The following CEMIP2 variants were observed in gnomAD, a reference collection of about 807,000 sequenced individuals.
The protein encoded by CEMIP2 is cell migration inducing hyaluronidase 2, also known as cell surface hyaluronidase CEMIP2.
In CEMIP2, 79 loss-of-function variants were observed where a neutral mutation model predicts 146.9. The observed-to-expected ratio is 0.54, with a 90% CI of 0.45 to 0.65. CEMIP2 has a LOEUF of 0.65. Ranked by LOEUF, CEMIP2 falls within the 30% of genes least tolerant of loss-of-function variation. The pLI is 0.00. For synonymous variants in CEMIP2, 601 were observed against 606.3 expected (o/e 0.99, Z 0.13); for missense variants, 1,596 against 1,696.2 (o/e 0.94, Z 1.04).
At chr9:71,694,209 G>A (rs772114098) in intron 21 of CEMIP2, among the ~76,000 whole-genome samples, 3 of 151,880 alleles carry the variant, frequency 2.0e-5, no homozygotes, top group Non-Finnish European at 4.4e-5. Flanking sequence ...TGCAGTCTCC[G>A]CCTCCCGGGT....
At chr9:71,738,090 C>T (rs1356591940) in intron 5 of CEMIP2, among the ~76,000 whole-genome samples, 1 of 151,720 alleles carries the variant, frequency 6.6e-6, no homozygotes, top group Non-Finnish European at 1.5e-5. Context: ...TTATACTCTC[C>T]AAGAATCAAA....
At chr9:71,755,482 A>C (rs1379129912) in intron 1 of CEMIP2, among the ~76,000 whole-genome samples, 2 of 152,110 alleles carry the variant, frequency 1.3e-5, no homozygotes, top group African/African-American at 4.8e-5. Context: ...CAGTAGTTCA[A>C]GGTTGCAGTG....
intron 1 of CEMIP2, among the ~76,000 whole-genome samples, chr9:71,754,951 T>G (rs1235545094): frequency 6.6e-6 from 1 of 152,074 alleles, no homozygotes; most frequent in African/African-American, 2.4e-5. Flanking sequence ...AAGTAGCTAG[T>G]GCTTTTGTCT....
Position 71,684,415 on chromosome 9 carries a change from G to A in CEMIP2, c.*782C>T, listed in dbSNP as rs1347139360. 9 of 152,738 alleles carry A rather than the reference G, an allele frequency of 5.9e-5. No homozygotes were observed. In the East Asian group the frequency reaches 1.2e-3, roughly 20 times the overall value. The allele number at this position is 152,738 out of a possible 1,614,324, so 9.5% of individuals were successfully genotyped here. A position where few individuals can be genotyped will look rare whatever the true frequency, so the allele number is the denominator to read the frequency against. ...AACAAAACAAAAAAGGAAATATTCA[G>A]TTGAGCTCTGCATTTTAAACACAAA... On this transcript the variant is annotated 3_prime_UTR_variant, in exon 24 of 24. Coordinates refer to ENST00000377044, the MANE Select transcript of CEMIP2 (RefSeq NM_013390.3).
Position 71,717,910 on chromosome 9 carries a change from C to A in CEMIP2, c.2399+38G>T. ...AAAAAAAATCTGAAAAATAATACATCAGTGTCATCATATAATAACTTGGTA... is the reference window on the plus strand; with the variant it reads ...AAAAAAAATCTGAAAAATAATACATAAGTGTCATCATATAATAACTTGGTA... On this transcript the variant is annotated intron_variant, in intron 13 of 23. Coordinates refer to ENST00000377044, the MANE Select transcript of CEMIP2 (RefSeq NM_013390.3). 1.9e-6 allele frequency: 3 copies of A among 1,559,120 alleles called. No homozygotes were observed. In the South Asian group the frequency reaches 3.7e-5, roughly 19 times the overall value.
chr9:71,694,361 G>A, intron 21 of CEMIP2, 148 bp downstream of exon 21: 1 of 582,358 alleles, frequency 1.7e-6, no homozygotes, highest in Non-Finnish European at 3.1e-6. Flanking sequence ...CTAACCTTAT[G>A]ATCTGCCCAC....
intron 1 of CEMIP2, among the ~76,000 whole-genome samples, chr9:71,758,288 G>A (rs11795209): frequency 0.057 from 8,679 of 152,188 alleles, 249 homozygotes; most frequent in Middle Eastern, 0.11. Context: ...TGGGGCCAAG[G>A]ACCTTGGCCA....
intron 22 of CEMIP2, 70 bp downstream of exon 22, chr9:71,690,022 G>A: frequency 6.4e-7 from 1 of 1,561,860 alleles, no homozygotes; most frequent in South Asian, 1.2e-5. Flanking sequence ...ACTTGACCAG[G>A]CATTATCAGT....
intron 12 of CEMIP2, among the ~76,000 whole-genome samples, chr9:71,718,868 C>A (rs1252997566): frequency 6.6e-6 from 1 of 152,140 alleles, no homozygotes; most frequent in Non-Finnish European, 1.5e-5. Context: ...TGAGCCACCG[C>A]ACCCAGCCAG....
chr9:71,752,324 C>T (rs1367497780), intron 1 of CEMIP2, among the ~76,000 whole-genome samples: 1 of 151,324 alleles, frequency 6.6e-6, no homozygotes, highest in Non-Finnish European at 1.5e-5. Context: ...ATACATGCTT[C>T]ATTTTTAACA....
intron 13 of CEMIP2, among the ~76,000 whole-genome samples, chr9:71,717,374 G>A (rs1037655448): frequency 1.1e-4 from 16 of 152,012 alleles, no homozygotes; most frequent in African/African-American, 3.4e-4. Flanking sequence ...GAAATGCCAA[G>A]AAGCTAATTT....
chr9:71,737,899 G>C (rs1823805270), intron 5 of CEMIP2, among the ~76,000 whole-genome samples: 1 of 152,130 alleles, frequency 6.6e-6, no homozygotes, highest in African/African-American at 2.4e-5. Context: ...GCTAATAGTT[G>C]TTGAGATCCC....
chr9:71,756,340 T>C (rs1314729472), intron 1 of CEMIP2, among the ~76,000 whole-genome samples: 1 of 151,290 alleles, frequency 6.6e-6, no homozygotes, highest in Non-Finnish European at 1.5e-5. Context: ...TGTGTGTATA[T>C]ATATATGTAT....
intron 11 of CEMIP2, among the ~76,000 whole-genome samples, chr9:71,724,583 G>A (rs1823328367): frequency 6.6e-6 from 1 of 152,010 alleles, no homozygotes; most frequent in Non-Finnish European, 1.5e-5. Flanking sequence ...AAAGGATCTG[G>A]GCATCACACA....
In CEMIP2 at chr9:71,756,682, C is replaced by CA. The variant is rs1221688829; in HGVS notation, c.-12-6298dup. On this transcript the variant is annotated intron_variant, in intron 1 of 23. Coordinates refer to ENST00000377044, the MANE Select transcript of CEMIP2 (RefSeq NM_013390.3). The stretch of plus-strand genomic sequence containing the variant: ...AAATTGAGAACAATACTACTTAAAG[C>CA]AAAAAAAGTCTATGTGTTAATTCTT... 3.3e-5 allele frequency among the ~76,000 whole-genome samples: 5 copies of CA among 151,360 alleles called. No individual in the cohort carries two copies. In the South Asian group the frequency reaches 6.2e-4, roughly 19 times the overall value.
intron 1 of CEMIP2, among the ~76,000 whole-genome samples, chr9:71,763,332 C>T (rs1286828173): frequency 6.6e-6 from 1 of 152,174 alleles, no homozygotes; most frequent in Non-Finnish European, 1.5e-5. Context: ...CAATTTCACA[C>T]TGGAGGGGGA....
At chr9:71,738,540 C>T (rs571732862) in intron 5 of CEMIP2, among the ~76,000 whole-genome samples, 28 of 149,964 alleles carry the variant, frequency 1.9e-4, no homozygotes, top group African/African-American at 6.6e-4. Context: ...TTCAGTAATG[C>T]TTTAGAAAAA....
At chr9:71,763,059 T>G (rs944747492) in intron 1 of CEMIP2, among the ~76,000 whole-genome samples, 2 of 149,142 alleles carry the variant, frequency 1.3e-5, no homozygotes, top group African/African-American at 5.0e-5. Flanking sequence ...AAACCACAAC[T>G]TAAAAAAAAA....
intron 12 of CEMIP2, among the ~76,000 whole-genome samples, chr9:71,719,995 T>C (rs766782282): frequency 6.6e-6 from 1 of 152,186 alleles, no homozygotes; most frequent in Non-Finnish European, 1.5e-5. Context: ...AATCAGTAAC[T>C]GACCACTTGC....
Sources: gnomAD v4.1 joint callset for allele counts (sites outside exome capture counted in the v4.1 genomes callset) on GRCh38, gnomAD v4.1.1 for gene constraint, MANE v1.5 for transcripts, NCBI Gene and HGNC (gene_info 2026-07-23, HGNC 2026-07-21) for gene names.